The following PLEKHB1 variants were observed in gnomAD, a reference collection of about 807,000 sequenced individuals.
PLEKHB1 encodes the protein pleckstrin homology domain containing B1.
A neutral mutation model predicts 36.2 loss-of-function variants in PLEKHB1; 29 were observed. That is an observed-to-expected ratio of 0.80 (90% CI 0.60 to 1.09). The LOEUF is 1.09. Among genes scored for constraint, PLEKHB1 ranks in the 50% least tolerant of loss-of-function variants. PLEKHB1 has a pLI of 0.00. For missense variants in PLEKHB1, 330 were observed against 348.2 expected (o/e 0.95, Z 0.42); for synonymous variants, 138 against 140.0 (o/e 0.99, Z 0.10).
At chr11:73,654,140 A>C (rs779654287) in intron 5 of PLEKHB1, among the ~76,000 whole-genome samples, 20 of 152,110 alleles carry the variant, frequency 1.3e-4, no homozygotes, top group Non-Finnish European at 2.5e-4. Context: ...AACAGACTGG[A>C]GATCTGGATT....
chr11:73,649,103 C>T lies in PLEKHB1; in HGVS notation c.94+16C>T. On this transcript the variant is annotated intron_variant, in intron 2 of 7. Transcript: ENST00000354190. ...TGGAGACAGAGTGAGTGATCCTGGG[C>T]CCCTGGTCCTGGGGCAGGGTGAAGG... is the stretch of plus-strand genomic sequence containing the variant. The T allele has an allele frequency of 6.3e-7, 1 of 1,584,824 alleles. No homozygotes were observed. The highest frequency in any genetic ancestry group is 8.6e-7 in the Non-Finnish European group (1 of 1,165,168).
chr11:73,650,717 C>A lies in PLEKHB1; in HGVS notation c.247+12C>A, dbSNP rs199893863. The A allele has an allele frequency of 3.7e-4, 588 of 1,590,482 alleles. No homozygotes were observed. Among genetic ancestry groups the A allele is most frequent in the Non-Finnish European group, 1.9e-4 (224 of 1,168,106 alleles). ...CCCAGAGTGCCATGGTGAGCAGAAG[C>A]CCCTTCCTCTGTGGCACCGTGACTG... On this transcript the variant is annotated intron_variant, in intron 3 of 7. Coordinates refer to ENST00000354190, the MANE Select transcript of PLEKHB1 (RefSeq NM_021200.3).
chr11:73,660,814 C>T lies in PLEKHB1; in HGVS notation c.557C>T (p.Ala186Val), dbSNP rs567567501. 1.2e-6 allele frequency: 2 copies of T among 1,601,790 alleles called. No homozygotes were observed. Among genetic ancestry groups the T allele is most frequent in the Admixed American group, 1.7e-5 (1 of 58,578 alleles). Reference sequence around the variant, plus strand: ...GTGGTGCCCCCCAATGCACACGAGGCCACGTATGTCCGCAGCTACTACGGA... The same window carrying T: ...GTGGTGCCCCCCAATGCACACGAGGTCACGTATGTCCGCAGCTACTACGGA... ...YEVVPPNAHE[A>V]TYVRSYYGPP... is the part of the protein sequence containing the mutation. Residue 186 changes from alanine (A) to valine (V), a missense_variant, in exon 7 of 8, where the codon GCC becomes GTC. Transcript: ENST00000354190.
chr11:73,647,916 G>A (rs932585383), intron 1 of PLEKHB1: 1 of 985,460 alleles, frequency 1.0e-6, no homozygotes, highest in Non-Finnish European at 1.2e-6. Flanking sequence ...GTGGGGGAGG[G>A]GCGGAGGCAC....
At chr11:73,651,697 A>C in intron 3 of PLEKHB1, 91 bp from the exon 4 acceptor site, 1 of 1,009,740 alleles carries the variant, frequency 9.9e-7, no homozygotes, top group Non-Finnish European at 1.5e-6. Flanking sequence ...AACAGAGCCC[A>C]GAGAAGTCAA....
rs1273687238 is a variant in PLEKHB1 at position 73,650,592 on chromosome 11, T to C, written c.134T>C (p.Leu45Pro). The change falls in exon 3 of 8, where the codon CTG (leucine) becomes CCG (proline). Residue 45 changes from leucine (L) to proline (P), a missense_variant. Leu to Pro is a moderately conservative substitution (Grantham distance 98, BLOSUM62 -3). Transcript: ENST00000354190. ...CGCTGGAAGCGGAACTGGTTTGCCC[T>C]GTGGCTGGACGGGACCCTGGGATAC... is the stretch of plus-strand genomic sequence containing the variant. ...LRRWKRNWFA[L>P]WLDGTLGYYH... 6.2e-7 allele frequency: 1 copy of C among 1,613,048 alleles called. No homozygotes were observed. The highest frequency in any genetic ancestry group is 1.3e-5 in the African/African-American group (1 of 74,914).
intron 5 of PLEKHB1, 121 bp downstream of exon 5, chr11:73,653,135 A>G (rs1944931300): frequency 3.0e-6 from 3 of 1,015,938 alleles, no homozygotes; most frequent in Admixed American, 2.4e-5. Flanking sequence ...GGTTTCTGCA[A>G]ACTCTGATGC....
chr11:73,655,916 T>C lies in PLEKHB1; in HGVS notation c.495+9T>C, dbSNP rs1264773216. The C allele has an allele frequency of 6.2e-7, 1 of 1,612,660 alleles. No individual in the cohort carries two copies. Among genetic ancestry groups the C allele is most frequent in the Non-Finnish European group, 8.5e-7 (1 of 1,178,990 alleles). Reference sequence around the variant, plus strand: ...TTGAGAGGCGGATCTGGGTAAGTGCTGGCTCGGCCCTCCCTGCCTCCATAC... The same window carrying C: ...TTGAGAGGCGGATCTGGGTAAGTGCCGGCTCGGCCCTCCCTGCCTCCATAC... On this transcript the variant is annotated intron_variant, in intron 6 of 7. Transcript: ENST00000354190.
Position 73,648,768 on chromosome 11 carries a change from T to C in PLEKHB1, c.19-244T>C. ...ATGGCCAAAGTTACCAAGCTGAGGC[T>C]GGAATCCAGGCTCCTGGTCCCCACC... On this transcript the variant is annotated intron_variant, in intron 1 of 7. Coordinates refer to ENST00000354190, the MANE Select transcript of PLEKHB1 (RefSeq NM_021200.3). 3.9e-6 allele frequency: 5 copies of C among 1,269,004 alleles called. No individual in the cohort carries two copies. In the Admixed American group the frequency reaches 1.1e-4, roughly 28 times the overall value. 78.6% of individuals were successfully genotyped at this position (1,269,004 alleles called of 1,614,324 possible).
intron 5 of PLEKHB1, chr11:73,653,434 G>A: frequency 2.1e-6 from 1 of 468,502 alleles, no homozygotes. Context: ...TATGGGCCAG[G>A]TGGTGTGCCA....
intron 2 of PLEKHB1, among the ~76,000 whole-genome samples, chr11:73,649,791 G>T (rs117017862): frequency 0.01 from 1,524 of 152,302 alleles, 21 homozygotes; most frequent in Middle Eastern, 0.034. Context: ...AGTTCATTTA[G>T]TTCAGCAAAC....
rs190913773 is a variant in PLEKHB1 at position 73,662,403 on chromosome 11, G to A, written c.*801G>A. The A allele has an allele frequency of 2.2e-4, 34 of 152,414 alleles. No individual in the cohort carries two copies. The highest frequency in any genetic ancestry group is 3.4e-3 in the Middle Eastern group (1 of 294). The allele number at this position is 152,414 out of a possible 1,614,324, so 9.4% of individuals were successfully genotyped here. ...TGATAACAATTGAGCTGAACCTGGG[G>A]ACCCCTGGTTGGGGAACAGGTGAGT... On this transcript the variant is annotated 3_prime_UTR_variant, in exon 8 of 8. Transcript: ENST00000354190.
chr11:73,655,821 G>A lies in PLEKHB1; in HGVS notation c.409G>A (p.Val137Ile), dbSNP rs781576387. ...TGAGCAGGCCCCAGCTGGAGCCACC[G>A]TCCCTCCCAGGAGCCGCCGGGTTTG... Reference protein sequence around the residue: ...NSTPAPAGATVPPRSRRVCSK... With the variant: ...NSTPAPAGATIPPRSRRVCSK... The change falls in exon 6 of 8, where the codon GTC becomes ATC. Residue 137 changes from valine to isoleucine, a missense_variant. By Grantham distance (29) the Val-to-Ile change is conservative. Coordinates refer to ENST00000354190, the MANE Select transcript of PLEKHB1 (RefSeq NM_021200.3). 2.9e-5 allele frequency: 47 copies of A among 1,613,388 alleles called. 1 individual carries two copies. The highest frequency in any genetic ancestry group is 1.3e-4 in the East Asian group (6 of 44,870).
Position 73,652,877 on chromosome 11 carries a change from G to A in PLEKHB1, c.351-98G>A, listed in dbSNP as rs548573602. On this transcript the variant is annotated intron_variant, in intron 4 of 7. Transcript: ENST00000354190. The stretch of plus-strand genomic sequence containing the variant: ...ATCTCTCCTTTCATGAGAGACTTGG[G>A]CTTGAGGCTGGGTTGGAGAGGAAAG... 54 of 1,032,296 alleles carry A rather than the reference G, an allele frequency of 5.2e-5. No homozygotes were observed. In the Admixed American group the frequency reaches 1.1e-3, roughly 22 times the overall value. The allele number at this position is 1,032,296 out of a possible 1,614,324, so 63.9% of individuals were successfully genotyped here.
chr11:73,653,720 C>A (rs7924738), intron 5 of PLEKHB1, among the ~76,000 whole-genome samples: 103,472 of 151,906 alleles, frequency 0.68, 35,993 homozygotes, highest in Middle Eastern at 0.78. Flanking sequence ...CAGCATGTGC[C>A]AAGGCTCTGA....
Position 73,649,088 on chromosome 11 carries a change from G to GGTGCAAGAGAGGTTCTT in PLEKHB1, c.94+1_94+2insGTGCAAGAGAGGTTCTT. 6.3e-7 allele frequency: 1 copy of GGTGCAAGAGAGGTTCTT among 1,594,312 alleles called. No individual in the cohort carries two copies. The highest frequency in any genetic ancestry group is 1.8e-5 in the Admixed American group (1 of 57,028). On this transcript the variant is annotated splice_donor_variant, in intron 2 of 7. Coordinates refer to ENST00000354190, the MANE Select transcript of PLEKHB1 (RefSeq NM_021200.3). LOFTEE classifies it high-confidence loss of function. ...AGGGGCGGCTGGCTGTGGAGACAGA[G>GGTGCAAGAGAGGTTCTT]TGAGTGATCCTGGGCCCCTGGTCCT...
chr11:73,651,695 C>G (rs1023054079), intron 3 of PLEKHB1, 93 bp from the exon 4 acceptor site: 1 of 983,096 alleles, frequency 1.0e-6, no homozygotes, highest in African/African-American at 1.6e-5. Flanking sequence ...TAAACAGAGC[C>G]CAGAGAAGTC....
chr11:73,656,765 T>A (rs1047673145), intron 6 of PLEKHB1, among the ~76,000 whole-genome samples: 4 of 152,208 alleles, frequency 2.6e-5, no homozygotes, highest in African/African-American at 9.7e-5. Context: ...CAGGATTGTT[T>A]AGGAACTTAC....
intron 1 of PLEKHB1, chr11:73,647,731 T>TA (rs1944794762): frequency 1.0e-6 from 1 of 985,486 alleles, no homozygotes; most frequent in African/African-American, 1.7e-5. Context: ...GCAACAAGTG[T>TA]AGACAAGGTG....
Sources: gnomAD v4.1 joint callset for allele counts (sites outside exome capture counted in the v4.1 genomes callset) on GRCh38, gnomAD v4.1.1 for gene constraint, MANE v1.5 for transcripts, NCBI Gene and HGNC (gene_info 2026-07-23, HGNC 2026-07-21) for gene names.